COL26A1: variants seen among roughly 807,000 people sequenced by gnomAD.
COL26A1 encodes the protein collagen type XXVI alpha 1 chain.
COL26A1 carries 41 observed loss-of-function variants against 59.3 expected under a neutral mutation model. The observed-to-expected ratio is 0.69, with a 90% confidence interval of 0.54 to 0.90. The LOEUF is 0.90. Among genes scored for constraint, COL26A1 ranks in the 40% least tolerant of loss-of-function variants. The pLI, the probability that COL26A1 is intolerant of heterozygous loss-of-function variation, is 0.00. For synonymous variants in COL26A1, 266 were observed against 256.0 expected (o/e 1.04, Z -0.37); for missense variants, 612 against 602.3 (o/e 1.02, Z -0.17).
intron 3 of COL26A1, among the ~76,000 whole-genome samples, chr7:101,455,314 G>A (rs1329349476): frequency 6.6e-6 from 1 of 151,908 alleles, no homozygotes; most frequent in African/African-American, 2.4e-5. Flanking sequence ...AAAGTGCTGG[G>A]ATTACAGGCA....
intron 1 of COL26A1, among the ~76,000 whole-genome samples, chr7:101,413,915 T>C (rs113100131): frequency 1.3e-3 from 193 of 152,220 alleles, no homozygotes; most frequent in African/African-American, 4.5e-3. Context: ...CCCAGAGCAC[T>C]GTTCACCCAC....
At chr7:101,457,671 C>T (rs1169805682) in intron 3 of COL26A1, among the ~76,000 whole-genome samples, 1 of 152,144 alleles carries the variant, frequency 6.6e-6, no homozygotes, top group African/African-American at 2.4e-5. Context: ...CACTAGAAAG[C>T]ACTGTTCTGA....
intron 1 of COL26A1, among the ~76,000 whole-genome samples, chr7:101,414,964 A>G (rs1792338091): frequency 6.6e-6 from 1 of 152,174 alleles, no homozygotes; most frequent in Non-Finnish European, 1.5e-5. Flanking sequence ...AGCTGTAGCT[A>G]TGGGCAATGA....
At chr7:101,454,268 CT>C (rs58969139) in intron 3 of COL26A1, among the ~76,000 whole-genome samples, 287 of 137,228 alleles carry the variant, frequency 2.1e-3, no homozygotes, top group Admixed American at 2.0e-3. Context: ...TCTTTTCTTT[CT>C]TTTTTTTTTT....
At chr7:101,384,776 C>T (rs1167623240) in intron 1 of COL26A1, among the ~76,000 whole-genome samples, 1 of 152,010 alleles carries the variant, frequency 6.6e-6, no homozygotes, top group Non-Finnish European at 1.5e-5. Context: ...AGGGTGAAGT[C>T]CCATAATAAG....
intron 1 of COL26A1, 85 bp downstream of exon 1, chr7:101,363,275 G>A: frequency 8.3e-7 from 1 of 1,198,360 alleles, no homozygotes; most frequent in Admixed American, 3.3e-5. Context: ...CTGGAGCGAG[G>A]CTTGGGGGCT....
chr7:101,497,795 A>G (rs1794621995), intron 3 of COL26A1, among the ~76,000 whole-genome samples: 1 of 152,224 alleles, frequency 6.6e-6, no homozygotes, highest in Non-Finnish European at 1.5e-5. Context: ...AGCTTGGGCA[A>G]CATAGCTAGG....
At chr7:101,534,209 C>G (rs903046548) in intron 4 of COL26A1, among the ~76,000 whole-genome samples, 1 of 152,198 alleles carries the variant, frequency 6.6e-6, no homozygotes, top group Non-Finnish European at 1.5e-5. Context: ...TGAGGCAGAG[C>G]TCTCTCCGGG....
chr7:101,547,753 A>T (rs1251566364), intron 8 of COL26A1, among the ~76,000 whole-genome samples: 2 of 152,122 alleles, frequency 1.3e-5, no homozygotes, highest in Non-Finnish European at 2.9e-5. Context: ...TCATTCTTTT[A>T]TTCATTCATT....
chr7:101,555,143 A>G lies in COL26A1; in HGVS notation c.1081-644A>G, dbSNP rs1314428914. ...AGTGGCCTCGACACCTGCCTTCTCA[A>G]TAAGTCAGCACCCTGTCTTGGCTGA... On this transcript the variant is annotated intron_variant, in intron 11 of 12. Coordinates refer to ENST00000313669, the MANE Select transcript of COL26A1 (RefSeq NM_001278563.3). Among the ~76,000 whole-genome samples the G allele has an allele frequency of 2.0e-5, 3 of 152,060 alleles. No homozygotes were observed. In the East Asian group the frequency reaches 5.8e-4, roughly 29 times the overall value.
chr7:101,475,638 G>A (rs1333863309), intron 3 of COL26A1, among the ~76,000 whole-genome samples: 1 of 151,856 alleles, frequency 6.6e-6, no homozygotes. Context: ...CGTATATTGT[G>A]GGCCTGGTGT....
At chr7:101,431,719 T>C (rs1267870033) in intron 2 of COL26A1, among the ~76,000 whole-genome samples, 1 of 152,172 alleles carries the variant, frequency 6.6e-6, no homozygotes, top group African/African-American at 2.4e-5. Flanking sequence ...GCTGTTAATA[T>C]GATGACTACA....
Position 101,419,896 on chromosome 7 carries a change from C to A in COL26A1, c.159-81C>A, listed in dbSNP as rs934959503. On this transcript the variant is annotated intron_variant, in intron 1 of 12. Transcript: ENST00000313669. Reference sequence around the variant, plus strand: ...CACCCCAGGTTTGCGGGGGCCCCTCCCTGTCCAGCACGGCCCCCTGACCCG... The same window carrying A: ...CACCCCAGGTTTGCGGGGGCCCCTCACTGTCCAGCACGGCCCCCTGACCCG... 3.9e-6 allele frequency: 6 copies of A among 1,525,182 alleles called. No individual in the cohort carries two copies. In the East Asian group the frequency reaches 1.2e-4, roughly 30 times the overall value. 94.5% of individuals were successfully genotyped at this position (1,525,182 alleles called of 1,614,324 possible).
chr7:101,495,104 C>T (rs538612770), intron 3 of COL26A1, among the ~76,000 whole-genome samples: 5 of 152,178 alleles, frequency 3.3e-5, no homozygotes, highest in African/African-American at 9.7e-5. Flanking sequence ...AGAGGCATTA[C>T]GTTATCTGCT....
intron 1 of COL26A1, among the ~76,000 whole-genome samples, chr7:101,381,133 A>C (rs1791438219): frequency 6.6e-6 from 1 of 152,202 alleles, no homozygotes; most frequent in African/African-American, 2.4e-5. Flanking sequence ...AGAAGTCCAA[A>C]ATAGCTCTCA....
chr7:101,430,208 C>T (rs1029991041), intron 2 of COL26A1, among the ~76,000 whole-genome samples: 4 of 152,116 alleles, frequency 2.6e-5, no homozygotes, highest in Non-Finnish European at 5.9e-5. Flanking sequence ...CTAATTATTG[C>T]ATTTTCTGTG....
At chr7:101,466,527 G>A (rs1237408067) in intron 3 of COL26A1, among the ~76,000 whole-genome samples, 7 of 151,940 alleles carry the variant, frequency 4.6e-5, no homozygotes, top group Non-Finnish European at 7.4e-5. Flanking sequence ...CATAGACCCC[G>A]TCTCTACAGA....
chr7:101,369,865 A>AT (rs1319606570), intron 1 of COL26A1, among the ~76,000 whole-genome samples: 1 of 149,950 alleles, frequency 6.7e-6, no homozygotes, highest in African/African-American at 2.5e-5. Flanking sequence ...ATTTTATTTT[A>AT]TTTATTTGTT....
chr7:101,407,840 G>A (rs992257663), intron 1 of COL26A1, among the ~76,000 whole-genome samples: 6 of 152,016 alleles, frequency 3.9e-5, no homozygotes, highest in African/African-American at 9.7e-5. Context: ...GTTATCACCC[G>A]GAAGTTACCA....
Sources: gnomAD v4.1 joint callset for allele counts (sites outside exome capture counted in the v4.1 genomes callset) on GRCh38, gnomAD v4.1.1 for gene constraint, MANE v1.5 for transcripts, NCBI Gene and HGNC (gene_info 2026-07-23, HGNC 2026-07-21) for gene names.